The following N4BP1 variants were observed in gnomAD, a reference collection of about 807,000 sequenced individuals.
The protein encoded by N4BP1 is NEDD4-binding protein 1.
A neutral mutation model predicts 70.9 loss-of-function variants in N4BP1; 21 were observed. The observed-to-expected ratio is 0.30, with a 90% CI of 0.21 to 0.43. The LOEUF (loss-of-function observed/expected upper bound fraction) is 0.43. N4BP1 is among the 20% of genes least tolerant of loss of function. The pLI is 1.00. For synonymous variants in N4BP1, 387 were observed against 394.6 expected (o/e 0.98, Z 0.23); for missense variants, 936 against 1,069.4 (o/e 0.88, Z 1.74).
intron 1 of N4BP1, among the ~76,000 whole-genome samples, chr16:48,581,237 C>A (rs1181990932): frequency 7.1e-6 from 1 of 141,206 alleles, no homozygotes; most frequent in African/African-American, 2.7e-5. Flanking sequence ...AAATCCCATG[C>A]CTTTTCATGA....
At chr16:48,557,086 C>T (rs544075933) in intron 2 of N4BP1, among the ~76,000 whole-genome samples, 8 of 152,218 alleles carry the variant, frequency 5.3e-5, no homozygotes, top group African/African-American at 1.7e-4. Context: ...AAACAGGGTA[C>T]TGTGGAGGTT....
At chr16:48,592,231 C>T (rs1395970397) in intron 1 of N4BP1, among the ~76,000 whole-genome samples, 1 of 152,106 alleles carries the variant, frequency 6.6e-6, no homozygotes, top group Admixed American at 6.5e-5. Flanking sequence ...TCCATCCCCC[C>T]AGAACAGAAA....
At chr16:48,587,736 G>T (rs1046527339) in intron 1 of N4BP1, among the ~76,000 whole-genome samples, 2 of 152,128 alleles carry the variant, frequency 1.3e-5, no homozygotes, top group Non-Finnish European at 2.9e-5. Flanking sequence ...ATTTAATAAG[G>T]TATAGAATGG....
intron 1 of N4BP1, among the ~76,000 whole-genome samples, chr16:48,586,826 A>G (rs1439725726): frequency 6.6e-6 from 1 of 152,140 alleles, no homozygotes; most frequent in Non-Finnish European, 1.5e-5. Context: ...AAGAGGAAGC[A>G]TGGTCTTCTC....
chr16:48,551,096 C>A (rs1433121245), intron 4 of N4BP1, among the ~76,000 whole-genome samples: 3 of 152,140 alleles, frequency 2.0e-5, no homozygotes, highest in Admixed American at 2.0e-4. Context: ...TTCAAGCCTG[C>A]CACACTAAGA....
At chr16:48,584,158 T>C (rs1964210413) in intron 1 of N4BP1, among the ~76,000 whole-genome samples, 1 of 152,240 alleles carries the variant, frequency 6.6e-6, no homozygotes, top group Non-Finnish European at 1.5e-5. Context: ...GCTAGGAATC[T>C]GATTTTATGG....
intron 5 of N4BP1, among the ~76,000 whole-genome samples, chr16:48,547,569 C>A (rs769862621): frequency 1.3e-5 from 2 of 152,224 alleles, no homozygotes; most frequent in Non-Finnish European, 1.5e-5. Context: ...AATATTCTCT[C>A]CAGACCATGA....
intron 1 of N4BP1, among the ~76,000 whole-genome samples, chr16:48,580,533 C>T (rs1225582020): frequency 6.6e-6 from 1 of 152,168 alleles, no homozygotes; most frequent in East Asian, 1.9e-4. Context: ...TCTTCTCAAA[C>T]TCTTCCAAAA....
chr16:48,550,896 T>C (rs1467506805), intron 4 of N4BP1, among the ~76,000 whole-genome samples: 2 of 151,994 alleles, frequency 1.3e-5, no homozygotes, highest in African/African-American at 2.4e-5. Flanking sequence ...CCAGTCTGCG[T>C]TGACAGAGTA....
intron 1 of N4BP1, among the ~76,000 whole-genome samples, chr16:48,571,905 A>G (rs893287487): frequency 1.3e-5 from 2 of 152,214 alleles, no homozygotes. Context: ...TCCCAGAACC[A>G]GAATACACAG....
chr16:48,575,475 C>CT (rs1964079132), intron 1 of N4BP1, among the ~76,000 whole-genome samples: 1 of 152,170 alleles, frequency 6.6e-6, no homozygotes, highest in Non-Finnish European at 1.5e-5. Flanking sequence ...TTTCTCAACT[C>CT]TATCATAACA....
intron 1 of N4BP1, among the ~76,000 whole-genome samples, chr16:48,582,604 G>A (rs886855979): frequency 7.2e-5 from 11 of 152,082 alleles, no homozygotes; most frequent in Non-Finnish European, 1.3e-4. Context: ...AGAGTATACT[G>A]TTATAATTTT....
intron 1 of N4BP1, among the ~76,000 whole-genome samples, chr16:48,607,671 T>C (rs971890969): frequency 2.0e-5 from 3 of 152,062 alleles, no homozygotes; most frequent in African/African-American, 7.2e-5. Context: ...ACGTAAGAGA[T>C]TTTCAGAAGA....
At position 48,542,769 on chromosome 16, in the gene N4BP1, C is replaced by T. The variant is rs949155782; in HGVS notation, c.*135G>A. The T allele has an allele frequency of 2.6e-6, 2 of 775,098 alleles. No individual in the cohort carries two copies. The highest frequency in any genetic ancestry group is 3.6e-5 in the Admixed American group (1 of 27,678). 48.0% of individuals were successfully genotyped at this position (775,098 alleles called of 1,614,324 possible). Reference sequence around the variant, plus strand: ...TGAAAACCCAGATTTATACCCAAAACATTTTTTTTCTGTACAACTGCGTTT... The same window carrying T: ...TGAAAACCCAGATTTATACCCAAAATATTTTTTTTCTGTACAACTGCGTTT... On this transcript the variant is annotated 3_prime_UTR_variant, in exon 7 of 7. Coordinates refer to ENST00000262384, the MANE Select transcript of N4BP1 (RefSeq NM_153029.4).
intron 6 of N4BP1, among the ~76,000 whole-genome samples, chr16:48,544,285 T>C (rs1963558309): frequency 6.6e-6 from 1 of 152,218 alleles, no homozygotes; most frequent in Admixed American, 6.5e-5. Context: ...AGTGGTCTCC[T>C]AGGTAGAAGA....
chr16:48,561,678 G>A lies in N4BP1; in HGVS notation c.965C>T (p.Ala322Val). 6.2e-7 allele frequency: 1 copy of A among 1,613,126 alleles called. No homozygotes were observed. Residue 322 changes from alanine (A) to valine (V), a missense_variant, in exon 2 of 7, where the codon GCT (alanine) becomes GTT (valine). Ala to Val is a moderately conservative substitution (Grantham distance 64, BLOSUM62 0). This residue lies in a region of N4BP1 where 515 missense variants were observed against 491.7 expected (regional missense o/e 1.05). Transcript: ENST00000262384. ...DAKTLAGNVI[A>V]DLSDSSADSE... ...ATCAGCAGAAGAATCAGATAGGTCA[G>A]CTATTACATTTCCAGCCAATGTCTT...
intron 1 of N4BP1, chr16:48,600,328 G>A (rs1423072470): frequency 9.8e-6 from 10 of 1,019,384 alleles, no homozygotes; most frequent in Admixed American, 3.4e-5. Flanking sequence ...AAAGCATTCC[G>A]GAAAGCAGGT....
chr16:48,567,489 T>G (rs1466967166), intron 1 of N4BP1, among the ~76,000 whole-genome samples: 1 of 152,038 alleles, frequency 6.6e-6, no homozygotes, highest in Non-Finnish European at 1.5e-5. Context: ...GGTTAATTTT[T>G]TGTATTTTTA....
chr16:48,608,145 T>C (rs934403662), intron 1 of N4BP1, among the ~76,000 whole-genome samples: 5 of 152,184 alleles, frequency 3.3e-5, no homozygotes, highest in Non-Finnish European at 7.3e-5. Context: ...TCTGACATTC[T>C]CCGAGCGTTT....
Sources: allele counts gnomAD v4.1 joint callset (sites outside exome capture counted in the v4.1 genomes callset), GRCh38; gene constraint gnomAD v4.1.1; regional missense constraint gnomAD v4.1.1; transcripts MANE v1.5; gene names NCBI Gene and HGNC (gene_info 2026-07-23, HGNC 2026-07-21).